The following PPARGC1A variants were observed in gnomAD, a reference collection of about 807,000 sequenced individuals.
PPARGC1A encodes PPARG coactivator 1 alpha, also known as peroxisome proliferator-activated receptor gamma coactivator 1-alpha.
Under a neutral mutation model 88.7 loss-of-function variants are expected in PPARGC1A, and 25 were observed. That is an observed-to-expected ratio of 0.28 (90% CI 0.21 to 0.39). PPARGC1A has a LOEUF of 0.39. Ranked by LOEUF, PPARGC1A falls within the 10% of genes least tolerant of loss-of-function variation. The pLI is 1.00. For missense variants in PPARGC1A, 880 were observed against 968.7 expected (o/e 0.91, Z 1.22); for synonymous variants, 363 against 355.6 (o/e 1.02, Z -0.24).
At chr4:23,890,062 G>A (rs1439192078), upstream of PPARGC1A, 3 of 1,557,392 alleles carry the variant, frequency 1.9e-6, no homozygotes, top group Non-Finnish European at 2.6e-6. Flanking sequence ...GTGAACTGAA[G>A]GCACCTGTCT....
chr4:24,245,115 CA>C, the PPARGC1A span, among the ~76,000 whole-genome samples: 3 of 152,252 alleles, frequency 2.0e-5, no homozygotes, highest in African/African-American at 7.2e-5. Flanking sequence ...ACATGGAAAT[CA>C]GTCCCAGTGA....
chr4:24,263,610 A>T, the PPARGC1A span, among the ~76,000 whole-genome samples: 2 of 151,542 alleles, frequency 1.3e-5, no homozygotes, highest in Non-Finnish European at 2.9e-5. Context: ...GTCCATCTCC[A>T]CTTCTGCCGT....
At chr4:23,977,759 G>A in the PPARGC1A span, among the ~76,000 whole-genome samples, 1 of 152,162 alleles carries the variant, frequency 6.6e-6, no homozygotes, top group Non-Finnish European at 1.5e-5. Flanking sequence ...ATTAAAACAT[G>A]TTTTTACTCT....
the PPARGC1A span, among the ~76,000 whole-genome samples, chr4:24,144,407 C>G: frequency 6.6e-6 from 1 of 152,070 alleles, no homozygotes; most frequent in South Asian, 2.1e-4. Flanking sequence ...TAGGGAAATG[C>G]CTGCTTGATG....
chr4:24,163,123 C>T, the PPARGC1A span, among the ~76,000 whole-genome samples: 1 of 149,478 alleles, frequency 6.7e-6, no homozygotes, highest in Admixed American at 6.7e-5. Context: ...CTCAAAAATA[C>T]AGGATCTGAT....
chr4:24,405,787 C>T, the PPARGC1A span, among the ~76,000 whole-genome samples: 1 of 152,186 alleles, frequency 6.6e-6, no homozygotes. Context: ...ATTTATTCAA[C>T]TCAACTCGAA....
At chr4:24,027,496 A>C in the PPARGC1A span, among the ~76,000 whole-genome samples, 10 of 152,210 alleles carry the variant, frequency 6.6e-5, no homozygotes, top group Admixed American at 2.0e-4. Flanking sequence ...GTAAAAACTA[A>C]GTAAATGTTA....
chr4:23,824,634 A>G, intron 5 of PPARGC1A, 126 bp from the exon 6 acceptor site: 1 of 829,634 alleles, frequency 1.2e-6, no homozygotes, highest in East Asian at 2.5e-5. Flanking sequence ...AATTCTCTGA[A>G]TATTGAATCA....
chr4:23,846,763 G>A (rs1000684912), intron 2 of PPARGC1A, among the ~76,000 whole-genome samples: 1 of 152,034 alleles, frequency 6.6e-6, no homozygotes, highest in African/African-American at 2.4e-5. Context: ...GGGGAAGAGA[G>A]ATGATAGACA....
intron 12 of PPARGC1A, among the ~76,000 whole-genome samples, chr4:23,800,034 A>G (rs940649986): frequency 6.6e-6 from 1 of 152,092 alleles, no homozygotes; most frequent in African/African-American, 2.4e-5. Context: ...CCTACTATCT[A>G]TTTAGCTTGT....
chr4:24,387,812 GAAAGAA>G, the PPARGC1A span, among the ~76,000 whole-genome samples: 17 of 108,208 alleles, frequency 1.6e-4, no homozygotes, highest in South Asian at 1.4e-3. Context: ...AAGAAAGAAA[GAAAGAA>G]AGAAAGAGAG....
the PPARGC1A span, among the ~76,000 whole-genome samples, chr4:24,387,835 AGAAAG>A: frequency 2.3e-4 from 24 of 104,362 alleles, no homozygotes; most frequent in Admixed American, 2.1e-3. Context: ...AGAGAAAGAG[AGAAAG>A]AGAGAGAGAA....
the PPARGC1A span, among the ~76,000 whole-genome samples, chr4:24,245,305 C>G: frequency 6.6e-6 from 1 of 152,218 alleles, no homozygotes; most frequent in East Asian, 1.9e-4. Flanking sequence ...ATTGGAGCGT[C>G]TTATTTTAGG....
the PPARGC1A span, among the ~76,000 whole-genome samples, chr4:24,037,787 T>C: frequency 6.6e-6 from 1 of 152,150 alleles, no homozygotes; most frequent in Non-Finnish European, 1.5e-5. Context: ...TATCACTGGG[T>C]ATATCACAGT....
intron 2 of PPARGC1A, among the ~76,000 whole-genome samples, chr4:23,840,154 A>G (rs1261633009): frequency 6.6e-6 from 1 of 152,060 alleles, no homozygotes; most frequent in South Asian, 2.1e-4. Flanking sequence ...TAAAAGCTAA[A>G]TCTTAAGAGT....
chr4:23,916,489 T>C, the PPARGC1A span, among the ~76,000 whole-genome samples: 5 of 152,230 alleles, frequency 3.3e-5, no homozygotes, highest in Admixed American at 1.3e-4. Context: ...CAGATTTATA[T>C]GTGCATGTGT....
the PPARGC1A span, among the ~76,000 whole-genome samples, chr4:23,994,205 T>C: frequency 6.6e-6 from 1 of 152,274 alleles, no homozygotes; most frequent in East Asian, 1.9e-4. Flanking sequence ...CATCCTGCCC[T>C]GTCTATGTAA....
At chr4:24,446,591 A>ATT in the PPARGC1A span, among the ~76,000 whole-genome samples, 221 of 134,874 alleles carry the variant, frequency 1.6e-3, no homozygotes, top group African/African-American at 4.7e-3. Flanking sequence ...AAAACACTGA[A>ATT]TTTTTTTTTT....
At chr4:23,811,008 T>C (rs1720796194) in intron 10 of PPARGC1A, among the ~76,000 whole-genome samples, 1 of 152,236 alleles carries the variant, frequency 6.6e-6, no homozygotes, top group Non-Finnish European at 1.5e-5. Flanking sequence ...TTAATATCAC[T>C]GCTCATTTGG....
Sources: allele counts gnomAD v4.1 joint callset (sites outside exome capture counted in the v4.1 genomes callset), GRCh38; gene constraint gnomAD v4.1.1; transcripts MANE v1.5; gene names NCBI Gene and HGNC (gene_info 2026-07-23, HGNC 2026-07-21).